The following SH2D4B variants were observed in gnomAD, a reference collection of about 807,000 sequenced individuals.
SH2D4B encodes the protein SH2 domain-containing protein 4B.
Under a neutral mutation model 61.5 loss-of-function variants are expected in SH2D4B, and 45 were observed. That is an observed-to-expected ratio of 0.73 (90% CI 0.58 to 0.94). The LOEUF is 0.94. Ranked by LOEUF, SH2D4B falls within the 40% of genes least tolerant of loss-of-function variation. The pLI, the probability that SH2D4B is intolerant of heterozygous loss-of-function variation, is 0.00. For synonymous variants in SH2D4B, 224 were observed against 220.4 expected, an observed-to-expected ratio of 1.02 and a Z score of -0.14; for missense variants, 572 against 574.2, an observed-to-expected ratio of 1.00 and a Z score of 0.04.
chr10:80,580,045 G>A (rs567831982), intron 3 of SH2D4B, among the ~76,000 whole-genome samples: 1 of 152,344 alleles, frequency 6.6e-6, no homozygotes, highest in Admixed American at 6.5e-5. Flanking sequence ...GGAATGAACA[G>A]CATAGGTTTG....
chr10:80,633,031 G>A (rs1276158094), intron 6 of SH2D4B, among the ~76,000 whole-genome samples: 1 of 151,946 alleles, frequency 6.6e-6, no homozygotes, highest in Admixed American at 6.6e-5. Context: ...TTGGCAGTGT[G>A]GTTGCCTCTG....
At chr10:80,572,490 A>G (rs1313532357) in intron 3 of SH2D4B, among the ~76,000 whole-genome samples, 3 of 152,088 alleles carry the variant, frequency 2.0e-5, no homozygotes, top group Non-Finnish European at 2.9e-5. Flanking sequence ...GTGTGCAGAG[A>G]GTCTTGCAGT....
At chr10:80,594,410 C>T (rs1842363774) in intron 4 of SH2D4B, among the ~76,000 whole-genome samples, 1 of 152,096 alleles carries the variant, frequency 6.6e-6, no homozygotes, top group Non-Finnish European at 1.5e-5. Flanking sequence ...GAGGATTTTG[C>T]ATCTGTATTC....
chr10:80,603,540 C>G (rs896373287), intron 4 of SH2D4B, 39 bp from the exon 5 acceptor site: 1 of 1,484,024 alleles, frequency 6.7e-7, no homozygotes, highest in African/African-American at 1.4e-5. Context: ...ACCGCCTGGG[C>G]TGCGGATCTG....
rs1051055401 is a variant in SH2D4B at position 80,570,330 on chromosome 10, T to C, written c.347+14T>C. 6 of 1,611,650 alleles carry C rather than the reference T, an allele frequency of 3.7e-6. No individual in the cohort carries two copies. Among genetic ancestry groups the C allele is most frequent in the Middle Eastern group, 2.1e-4 (1 of 4,740 alleles). On this transcript the variant is annotated intron_variant, in intron 2 of 7. Transcript: ENST00000646907. ...TGAGGAGCTCTGGTGAGGGGTGCTA[T>C]GGGGTGTTGGGTGGGGCCTAGGCAT...
intron 1 of SH2D4B, among the ~76,000 whole-genome samples, chr10:80,551,572 C>A (rs1338299050): frequency 6.6e-6 from 1 of 152,046 alleles, no homozygotes; most frequent in Non-Finnish European, 1.5e-5. Context: ...AGGGAAATTT[C>A]AAATCACAAT....
At chr10:80,596,714 A>C (rs1174912835) in intron 4 of SH2D4B, among the ~76,000 whole-genome samples, 1 of 152,240 alleles carries the variant, frequency 6.6e-6, no homozygotes, top group Non-Finnish European at 1.5e-5. Flanking sequence ...ATTACAGTCT[A>C]TAACAAGTTT....
At chr10:80,606,411 A>G (rs1360895454) in intron 5 of SH2D4B, among the ~76,000 whole-genome samples, 1 of 151,850 alleles carries the variant, frequency 6.6e-6, no homozygotes, top group Non-Finnish European at 1.5e-5. Context: ...TGGTGGTCCG[A>G]TCCTGGCTCA....
chr10:80,592,916 G>A lies in SH2D4B; in HGVS notation c.643+4139G>A, dbSNP rs989309164. Among the ~76,000 whole-genome samples, 78 of 151,346 alleles carry A rather than the reference G, an allele frequency of 5.2e-4. 1 individual carries two copies. Among genetic ancestry groups the A allele is most frequent in the Non-Finnish European group, 1.8e-4 (12 of 67,906 alleles). On this transcript the variant is annotated intron_variant, in intron 4 of 7. Transcript: ENST00000646907. ...GTATTTTTATTAGAGACAGGGTCTT[G>A]CCATGTTGCCCAGTCTGGTCTTGAA... is the stretch of plus-strand genomic sequence containing the variant.
At chr10:80,635,547 TGGAGAA>T (rs1842887804) in intron 7 of SH2D4B, among the ~76,000 whole-genome samples, 1 of 152,184 alleles carries the variant, frequency 6.6e-6, no homozygotes, top group South Asian at 2.1e-4. Context: ...ATAATACACA[TGGAGAA>T]TCACCTATTC....
intron 6 of SH2D4B, among the ~76,000 whole-genome samples, chr10:80,631,940 T>TTTTG (rs1360495453): frequency 6.6e-6 from 1 of 152,018 alleles, no homozygotes; most frequent in East Asian, 1.9e-4. Flanking sequence ...CCAAGAGAGT[T>TTTTG]TTTGTTTGTT....
At chr10:80,594,120 G>A (rs1842361546) in intron 4 of SH2D4B, among the ~76,000 whole-genome samples, 1 of 152,146 alleles carries the variant, frequency 6.6e-6, no homozygotes, top group South Asian at 2.1e-4. Flanking sequence ...TATGATGTTA[G>A]CTGTGGGTTT....
intron 1 of SH2D4B, 66 bp from the exon 2 acceptor site, chr10:80,570,088 C>A (rs953238360): frequency 1.3e-6 from 2 of 1,578,750 alleles, no homozygotes; most frequent in Non-Finnish European, 1.7e-6. Context: ...TACCACTGGG[C>A]AGCTTAGGTC....
chr10:80,615,994 C>T (rs528381865), intron 6 of SH2D4B, among the ~76,000 whole-genome samples: 39 of 152,208 alleles, frequency 2.6e-4, no homozygotes, highest in African/African-American at 7.9e-4. Flanking sequence ...AACCGAGGCA[C>T]GTGCAAGGTG....
At chr10:80,589,316 T>C (rs553834732) in intron 4 of SH2D4B, among the ~76,000 whole-genome samples, 2 of 152,084 alleles carry the variant, frequency 1.3e-5, no homozygotes, top group Non-Finnish European at 2.9e-5. Context: ...GGATATTTCT[T>C]GTATTAAAAA....
chr10:80,554,745 T>C (rs1282030774), intron 1 of SH2D4B, among the ~76,000 whole-genome samples: 6 of 152,134 alleles, frequency 3.9e-5, no homozygotes, highest in East Asian at 1.9e-4. Context: ...CGCGGTGGCT[T>C]ACGCCTGTAA....
chr10:80,614,778 T>C (rs1426391330), intron 6 of SH2D4B, among the ~76,000 whole-genome samples: 4 of 152,286 alleles, frequency 2.6e-5, no homozygotes, highest in African/African-American at 9.6e-5. Flanking sequence ...GTCATGAACA[T>C]TGGAAAGGTT....
At position 80,552,889 on chromosome 10, in the gene SH2D4B, TTC is replaced by T. The variant is rs5786463; in HGVS notation, c.184+14392_184+14393del. Among the ~76,000 whole-genome samples, 648 of 146,296 alleles carry T rather than the reference TTC, an allele frequency of 4.4e-3. 6 individuals carry two copies. The highest frequency in any genetic ancestry group is 0.014 in the African/African-American group (543 of 38,262). On this transcript the variant is annotated intron_variant, in intron 1 of 7. Coordinates refer to ENST00000646907, the MANE Select transcript of SH2D4B (RefSeq NM_001388272.1). ...TCTTTCTCCCCCTCTCTCTCTTTCT[TTC>T]TCTCTCTCTCTCTCTCTTGCTCTCT...
At chr10:80,564,699 T>G (rs899366450) in intron 1 of SH2D4B, among the ~76,000 whole-genome samples, 5 of 152,256 alleles carry the variant, frequency 3.3e-5, no homozygotes, top group Non-Finnish European at 7.3e-5. Context: ...CCTATTTTAT[T>G]CAACTGCCTG....
Sources: gnomAD v4.1 joint callset for allele counts (sites outside exome capture counted in the v4.1 genomes callset) on GRCh38, gnomAD v4.1.1 for gene constraint, MANE v1.5 for transcripts, NCBI Gene and HGNC (gene_info 2026-07-23, HGNC 2026-07-21) for gene names.